NADK: variants seen among roughly 807,000 people sequenced by gnomAD.
NADK encodes NAD kinase.
A neutral mutation model predicts 49.8 loss-of-function variants in NADK; 22 were observed. The observed-to-expected ratio is 0.44, with a 90% CI of 0.32 to 0.63. NADK has a LOEUF of 0.63. Ranked by LOEUF, NADK falls within the 30% of genes least tolerant of loss-of-function variation. The pLI is 0.06. For missense variants in NADK, 438 were observed against 609.4 expected, an observed-to-expected ratio of 0.72 and a Z score of 2.96; for synonymous variants, 268 against 253.7, an observed-to-expected ratio of 1.06 and a Z score of -0.54.
At chr1:1,758,817 T>C (rs996590329) in intron 3 of NADK, among the ~76,000 whole-genome samples, 3 of 152,144 alleles carry the variant, frequency 2.0e-5, no homozygotes, top group Non-Finnish European at 4.4e-5. Flanking sequence ...AAGCCCTCTG[T>C]TCCCGTGGCC....
intron 1 of NADK, among the ~76,000 whole-genome samples, chr1:1,776,301 T>G (rs12041925): frequency 0.25 from 38,061 of 152,092 alleles, 4,952 homozygotes; most frequent in African/African-American, 0.27. Flanking sequence ...GCCAACTTTC[T>G]GGGACACCCT....
intron 3 of NADK, 128 bp from the exon 4 acceptor site, chr1:1,757,438 T>G: frequency 1.2e-6 from 1 of 811,480 alleles, no homozygotes; most frequent in Middle Eastern, 3.2e-4. Flanking sequence ...ACGTGCTCGG[T>G]GGCCACGGGC....
intron 6 of NADK, 80 bp downstream of exon 6, chr1:1,756,178 G>A: frequency 7.5e-7 from 1 of 1,325,150 alleles, no homozygotes; most frequent in Non-Finnish European, 1.1e-6. Context: ...GAAAAGCAAT[G>A]GAAGCCATGC....
rs567137776 is a variant in NADK at position 1,752,873 on chromosome 1, G to A, written c.*31C>T. On this transcript the variant is annotated 3_prime_UTR_variant, in exon 12 of 12. Transcript: ENST00000341426. ...CCCCAGAGGGCGCTTGGAGGGCAGC[G>A]GAAGGATTCGGGCCTGGATAGGGGC... 4.1e-5 allele frequency: 66 copies of A among 1,599,240 alleles called. No individual in the cohort carries two copies. In the Middle Eastern group the frequency reaches 6.6e-4, roughly 16 times the overall value.
chr1:1,756,902 G>A, intron 4 of NADK: 3 of 806,236 alleles, frequency 3.7e-6, no homozygotes, highest in Non-Finnish European at 6.6e-6. Flanking sequence ...AGACACAGCA[G>A]GAAGGCCCAC....
chr1:1,770,130 G>A (rs532314694), intron 1 of NADK, among the ~76,000 whole-genome samples: 9 of 151,554 alleles, frequency 5.9e-5, no homozygotes, highest in East Asian at 3.9e-4. Context: ...AGCCGAGATC[G>A]CACCACTCAC....
chr1:1,777,930 C>G (rs1570599681), intron 1 of NADK, among the ~76,000 whole-genome samples: 1 of 152,218 alleles, frequency 6.6e-6, no homozygotes, highest in Non-Finnish European at 1.5e-5. Flanking sequence ...GAGTCAAAGA[C>G]CCCTCCTGCT....
At position 1,754,971 on chromosome 1, in the gene NADK, A is replaced by G. The variant is rs1469081023; in HGVS notation, c.689-273T>C. The G allele has an allele frequency of 1.6e-5, 7 of 445,872 alleles. No individual in the cohort carries two copies. The highest frequency in any genetic ancestry group is 2.8e-5 in the Non-Finnish European group (7 of 250,236). 27.6% of individuals were successfully genotyped at this position (445,872 alleles called of 1,614,324 possible). A position where few individuals can be genotyped will look rare whatever the true frequency, so the allele number is the denominator to read the frequency against. ...CAAGTAGCTGGAACTACGGGTGCGC[A>G]CCACCACGCCCAGCTAATTTTTGTA... On this transcript the variant is annotated intron_variant, in intron 7 of 11. Coordinates refer to ENST00000341426, the MANE Select transcript of NADK (RefSeq NM_023018.5). This position sits in a 1 kb window ranked among gnomAD's most constrained non-coding sequence, Gnocchi z 4.3.
At position 1,773,709 on chromosome 1, in the gene NADK, T is replaced by TGAGAGA. The variant is rs1209994797; in HGVS notation, c.-41+4579_-41+4580insTCTCTC. ...GTGTGTGTGTGTGTGTGTGTGTGTG[T>TGAGAGA]GTGTGTGTGTGTGTGTGTGTGAGAG... On this transcript the variant is annotated intron_variant, in intron 1 of 11. Transcript: ENST00000341426. Among the ~76,000 whole-genome samples, 67 of 99,290 alleles carry TGAGAGA rather than the reference T, an allele frequency of 6.7e-4. No homozygotes were observed. The East Asian group carries it at 0.012, about 18-fold the overall frequency. The allele number at this position is 99,290 out of a possible 152,430, so 65.1% of individuals were successfully genotyped here.
chr1:1,752,853 G>A lies in NADK; in HGVS notation c.*51C>T, dbSNP rs1167268473. The A allele has an allele frequency of 1.3e-6, 2 of 1,584,194 alleles. No individual in the cohort carries two copies. The highest frequency in any genetic ancestry group is 2.2e-5 in the East Asian group (1 of 44,536). ...ACACACGCAGATTGGTCTGTCCCCA[G>A]AGGGCGCTTGGAGGGCAGCGGAAGG... is the stretch of plus-strand genomic sequence containing the variant. On this transcript the variant is annotated 3_prime_UTR_variant, in exon 12 of 12. Transcript: ENST00000341426.
At chr1:1,759,948 G>A in intron 3 of NADK, 1 of 1,542,620 alleles carries the variant, frequency 6.5e-7, no homozygotes, top group Non-Finnish European at 8.8e-7. Flanking sequence ...CAGCGGGGGA[G>A]AGGCCCGGTG....
In NADK at chr1:1,762,149, C is replaced by T. The variant is rs1645744598; in HGVS notation, c.180-114G>A. 7.1e-6 allele frequency: 6 copies of T among 843,814 alleles called. 1 individual carries two copies. The South Asian group carries it at 9.2e-5, about 13-fold the overall frequency. 52.3% of individuals were successfully genotyped at this position (843,814 alleles called of 1,614,324 possible). A position where few individuals can be genotyped will look rare whatever the true frequency, so the allele number is the denominator to read the frequency against. On this transcript the variant is annotated intron_variant, in intron 2 of 11. Coordinates refer to ENST00000341426, the MANE Select transcript of NADK (RefSeq NM_023018.5). ...GGCATACATGCAATTTGAAAGATGC[C>T]AACTCCATCTGCCCAGCAGCCACAC... is the stretch of plus-strand genomic sequence containing the variant.
Position 1,778,055 on chromosome 1 carries a change from G to A in NADK, c.-41+234C>T, listed in dbSNP as rs1025935986. On this transcript the variant is annotated intron_variant, in intron 1 of 11. Transcript: ENST00000341426. The surrounding 1 kb of genome is among the most constrained non-coding windows in gnomAD (Gnocchi z 4.9). ...CACCTTCCCCGCCCGGGAGAGCCAG[G>A]CCGGACAGCGGCCTCCCTCAGACCC... Among the ~76,000 whole-genome samples the A allele has an allele frequency of 3.3e-5, 5 of 152,170 alleles. No individual in the cohort carries two copies. The highest frequency in any genetic ancestry group is 1.2e-4 in the African/African-American group (5 of 41,448).
At position 1,752,272 on chromosome 1, in the gene NADK, G is replaced by T. The variant is rs954247112; in HGVS notation, c.*632C>A. ...GCAGAAGCTACGTGAGGAATGTGTGGGTCGCTGGCGATGCCAGCCCCCTTC... is the reference window on the plus strand; with the variant it reads ...GCAGAAGCTACGTGAGGAATGTGTGTGTCGCTGGCGATGCCAGCCCCCTTC... On this transcript the variant is annotated 3_prime_UTR_variant, in exon 12 of 12. Coordinates refer to ENST00000341426, the MANE Select transcript of NADK (RefSeq NM_023018.5). The T allele has an allele frequency of 6.6e-6, 1 of 152,628 alleles. No individual in the cohort carries two copies. Among genetic ancestry groups the T allele is most frequent in the Admixed American group, 6.5e-5 (1 of 15,286 alleles). The allele number at this position is 152,628 out of a possible 1,614,324, so 9.5% of individuals were successfully genotyped here.
At chr1:1,762,652 G>C (rs1209482090) in intron 2 of NADK, among the ~76,000 whole-genome samples, 1 of 152,126 alleles carries the variant, frequency 6.6e-6, no homozygotes, top group Non-Finnish European at 1.5e-5. Flanking sequence ...AGCTACTCAG[G>C]AGGCTGAGGC....
chr1:1,762,699 G>A (rs558781602), intron 2 of NADK, among the ~76,000 whole-genome samples: 2 of 152,326 alleles, frequency 1.3e-5, no homozygotes, highest in East Asian at 1.9e-4. Flanking sequence ...GGTGGTTGCA[G>A]TGAGCCGAGA....
upstream of NADK, among the ~76,000 whole-genome samples, chr1:1,779,740 C>T (rs982673594): frequency 4.6e-5 from 7 of 151,986 alleles, no homozygotes; most frequent in Non-Finnish European, 7.4e-5. Context: ...CAAACTTCAC[C>T]CGCCTCGGCC....
intron 1 of NADK, among the ~76,000 whole-genome samples, chr1:1,774,543 C>G (rs1233748510): frequency 1.3e-5 from 2 of 151,870 alleles, no homozygotes; most frequent in Non-Finnish European, 2.9e-5. Context: ...GCGTCGCCAC[C>G]GCGCACGGCC....
chr1:1,771,756 A>G (rs1255425629), intron 1 of NADK, among the ~76,000 whole-genome samples: 1 of 152,160 alleles, frequency 6.6e-6, no homozygotes, highest in East Asian at 1.9e-4. Context: ...ATAGACCTAA[A>G]TGTGAGGACT....
Sources: allele counts gnomAD v4.1 joint callset (sites outside exome capture counted in the v4.1 genomes callset), GRCh38; gene constraint gnomAD v4.1.1; non-coding constraint Gnocchi (gnomAD v3.1); transcripts MANE v1.5; gene names NCBI Gene and HGNC (gene_info 2026-07-23, HGNC 2026-07-21).